The following TRRAP variants were observed in gnomAD, a reference collection of about 807,000 sequenced individuals.
TRRAP encodes the protein transformation/transcription domain associated protein.
TRRAP carries 41 observed loss-of-function variants against 438.8 expected under a neutral mutation model. The ratio of observed to expected loss-of-function variants is 0.09; its 90% CI spans 0.07 to 0.12. TRRAP has a LOEUF of 0.12. Among genes scored for constraint, TRRAP ranks in the 10% least tolerant of loss-of-function variants. TRRAP has a pLI of 1.00. For synonymous variants in TRRAP, 1,994 were observed against 1,962.9 expected, an observed-to-expected ratio of 1.02 and a Z score of -0.42; for missense variants, 3,122 against 5,055.1, an observed-to-expected ratio of 0.62 and a Z score of 11.60.
Position 98,933,420 on chromosome 7 carries a change from CGGAGTGGTGT to C in TRRAP, c.4014+22_4014+31del. On this transcript the variant is annotated intron_variant, in intron 27 of 72. Transcript: ENST00000456197. ...ACACAGAGGTAGGGGGGTGGTGGTG[CGGAGTGGTGT>C]GGATGGTGATGACGTGTGTCTGCTA... 6.2e-7 allele frequency: 1 copy of C among 1,608,218 alleles called. No individual in the cohort carries two copies. The highest frequency in any genetic ancestry group is 1.1e-5 in the South Asian group (1 of 90,522).
intron 40 of TRRAP, among the ~76,000 whole-genome samples, 200 bp from the exon 41 acceptor site, chr7:98,954,898 G>A (rs1192838311): frequency 1.3e-5 from 2 of 152,212 alleles, no homozygotes; most frequent in Non-Finnish European, 2.9e-5. Flanking sequence ...CGTAGTAGGT[G>A]CATTATAAAT....
chr7:98,967,784 C>A, intron 51 of TRRAP, 86 bp downstream of exon 51: 1 of 1,182,010 alleles, frequency 8.5e-7, no homozygotes, highest in Non-Finnish European at 1.2e-6. Context: ...TGTTCACACA[C>A]ACTGAGATGA....
chr7:98,945,594 T>A (rs1184687041), intron 31 of TRRAP, among the ~76,000 whole-genome samples, 153 bp from the exon 32 acceptor site: 1 of 152,262 alleles, frequency 6.6e-6, no homozygotes, highest in Non-Finnish European at 1.5e-5. Flanking sequence ...TGCTTTTTGC[T>A]GTTGAGCATT....
In TRRAP at chr7:98,978,271, G is replaced by A. The variant is rs774480184; in HGVS notation, c.8446G>A (p.Ala2816Thr). Residue 2816 changes from alanine to threonine, a missense_variant, in exon 57 of 73, where the codon GCC becomes ACC. Around this residue, in one of 24 missense-constraint regions of TRRAP, gnomAD observed 992 missense variants for 1,281.2 expected, o/e 0.77. Transcript: ENST00000456197. ...CAAAAAAGAACATGAGAGGAGTAAC[G>A]CCTCCCCTGCTATTTTCCCTGAATA... Reference protein sequence around the residue: ...KAKKEHERSNASPAIFPEYQL... With the variant: ...KAKKEHERSNTSPAIFPEYQL... The A allele has an allele frequency of 4.3e-6, 7 of 1,614,114 alleles. No individual in the cohort carries two copies. The highest frequency in any genetic ancestry group is 2.2e-5 in the South Asian group (2 of 91,080).
chr7:98,988,798 T>A lies in TRRAP; in HGVS notation c.9423T>A (p.Ala3141=), dbSNP rs183481033. 64 of 1,614,224 alleles carry A rather than the reference T, an allele frequency of 4.0e-5. No homozygotes were observed. The African/African-American group carries it at 6.3e-4, about 16-fold the overall frequency. The change falls in exon 63 of 73, where the codon GCT becomes GCA. Residue 3141 remains alanine (A), a synonymous_variant. Coordinates refer to ENST00000456197, the MANE Select transcript of TRRAP (RefSeq NM_001375524.1). The stretch of plus-strand genomic sequence containing the variant: ...AGGCAAACAAAGCCTTCTCTGCAGC[T>A]GTGCAGATGCACGATGTGCTGGTGA... ...SEEANKAFSA[A]VQMHDVLVKA... is the part of the protein sequence containing the mutation.
At chr7:98,966,372 G>T (rs1040585476) in intron 49 of TRRAP, among the ~76,000 whole-genome samples, 4 of 152,000 alleles carry the variant, frequency 2.6e-5, no homozygotes, top group African/African-American at 9.7e-5. Flanking sequence ...AAACTGAGTT[G>T]CTCATCTTAA....
chr7:99,008,784 G>A (rs1794308384), intron 70 of TRRAP, among the ~76,000 whole-genome samples: 1 of 152,196 alleles, frequency 6.6e-6, no homozygotes, highest in Admixed American at 6.5e-5. Flanking sequence ...ACCAGACACG[G>A]GTCAGTCCTC....
intron 30 of TRRAP, 112 bp from the exon 31 acceptor site, chr7:98,942,837 A>C (rs1224620060): frequency 8.9e-7 from 1 of 1,128,044 alleles, no homozygotes; most frequent in Non-Finnish European, 1.3e-6. Flanking sequence ...TAATAATGGA[A>C]ACACTGCAGT....
chr7:98,891,497 G>A (rs180991518), intron 4 of TRRAP, among the ~76,000 whole-genome samples: 16 of 149,884 alleles, frequency 1.1e-4, no homozygotes, highest in South Asian at 6.3e-4. Context: ...CACTGCGCCC[G>A]GCCTACCACT....
intron 62 of TRRAP, 110 bp from the exon 63 acceptor site, chr7:98,988,655 G>T (rs978859601): frequency 1.5e-6 from 2 of 1,319,766 alleles, no homozygotes; most frequent in Non-Finnish European, 2.1e-6. Flanking sequence ...ACAACATTGT[G>T]AATGGACCAA....
intron 53 of TRRAP, among the ~76,000 whole-genome samples, chr7:98,973,701 G>A (rs41647): frequency 0.3 from 45,213 of 152,040 alleles, 11,254 homozygotes; most frequent in African/African-American, 0.69. Context: ...GTCACCCTTT[G>A]TAAGAGGATT....
intron 46 of TRRAP, among the ~76,000 whole-genome samples, chr7:98,961,802 C>G (rs2116666551): frequency 6.6e-6 from 1 of 152,202 alleles, no homozygotes; most frequent in East Asian, 1.9e-4. Flanking sequence ...ACCTGTAATC[C>G]CAGCTACTCG....
At chr7:98,963,395 C>G (rs1038347519) in intron 47 of TRRAP, among the ~76,000 whole-genome samples, 1 of 152,140 alleles carries the variant, frequency 6.6e-6, no homozygotes, top group Non-Finnish European at 1.5e-5. Flanking sequence ...CAGGGCAGCA[C>G]AAGTATCTCC....
intron 18 of TRRAP, 47 bp from the exon 19 acceptor site, chr7:98,915,676 C>CT: frequency 5.0e-6 from 8 of 1,594,644 alleles, no homozygotes; most frequent in Non-Finnish European, 6.8e-6. Flanking sequence ...AGGGTATAGA[C>CT]CCTCCTCATT....
At chr7:98,986,360 A>G (rs376086373) in intron 62 of TRRAP, among the ~76,000 whole-genome samples, 13 of 152,328 alleles carry the variant, frequency 8.5e-5, no homozygotes, top group African/African-American at 1.9e-4. Flanking sequence ...GACATTGTCA[A>G]TCTTCCACAG....
intron 30 of TRRAP, among the ~76,000 whole-genome samples, chr7:98,942,058 C>T (rs1286405955): frequency 1.3e-5 from 2 of 152,174 alleles, no homozygotes; most frequent in Non-Finnish European, 2.9e-5. Context: ...TTATTGAATG[C>T]TCTTCTTGTG....
At position 98,887,485 on chromosome 7, in the gene TRRAP, G is replaced by A. The variant is rs548953424; in HGVS notation, c.151-2850G>A. ...CTTGGAGAGAAGCTATTTGATTCCT[G>A]CACAGCTCCTGGGGCCGCCTCCCAT... On this transcript the variant is annotated intron_variant, in intron 3 of 72. Coordinates refer to ENST00000456197, the MANE Select transcript of TRRAP (RefSeq NM_001375524.1). Among the ~76,000 whole-genome samples the A allele has an allele frequency of 1.2e-4, 18 of 152,110 alleles. No homozygotes were observed. In the South Asian group the frequency reaches 3.3e-3, roughly 28 times the overall value.
intron 59 of TRRAP, 44 bp downstream of exon 59, chr7:98,982,004 G>T: frequency 6.8e-7 from 1 of 1,463,906 alleles, no homozygotes; most frequent in African/African-American, 1.4e-5. Context: ...GTGGCCTGTC[G>T]CAGCCAAGCG....
chr7:98,949,902 G>A (rs1461252985), intron 37 of TRRAP, 61 bp downstream of exon 37: 1 of 1,581,960 alleles, frequency 6.3e-7, no homozygotes, highest in Admixed American at 1.8e-5. Context: ...CTCAGCCAGA[G>A]CCTCCTTCTA....
Sources: allele counts gnomAD v4.1 joint callset (sites outside exome capture counted in the v4.1 genomes callset), GRCh38; gene constraint gnomAD v4.1.1; regional missense constraint gnomAD v4.1.1; transcripts MANE v1.5; gene names NCBI Gene and HGNC (gene_info 2026-07-23, HGNC 2026-07-21).